Variants in CDC42SE2 observed in about 807,000 individuals in gnomAD.
The protein encoded by CDC42SE2 is CDC42 small effector 2.
In CDC42SE2, 3 loss-of-function variants were observed where a neutral mutation model predicts 11.5. The ratio of observed to expected loss-of-function variants is 0.26; its 90% CI spans 0.12 to 0.67. The LOEUF is 0.67. CDC42SE2 is among the 30% of genes least tolerant of loss of function. The pLI is 0.80. For synonymous variants in CDC42SE2, 33 were observed against 34.8 expected (o/e 0.95, Z 0.18); for missense variants, 82 against 106.8 (o/e 0.77, Z 1.02).
chr5:131,247,384 C>T (rs1396095740), intron 1 of CDC42SE2, among the ~76,000 whole-genome samples: 2 of 151,960 alleles, frequency 1.3e-5, no homozygotes, highest in Non-Finnish European at 2.9e-5. Flanking sequence ...TTTGGGAGGC[C>T]GAGGCGAGTG....
intron 1 of CDC42SE2, among the ~76,000 whole-genome samples, chr5:131,287,389 T>C (rs975031365): frequency 6.6e-6 from 1 of 152,228 alleles, no homozygotes; most frequent in African/African-American, 2.4e-5. Context: ...ATCTGAACCA[T>C]TGATGTTCTA....
intron 1 of CDC42SE2, among the ~76,000 whole-genome samples, chr5:131,247,639 A>G (rs1028277632): frequency 3.3e-5 from 5 of 152,186 alleles, no homozygotes; most frequent in Non-Finnish European, 7.4e-5. Context: ...AATGTAAAAC[A>G]ATTATTTATT....
At chr5:131,256,697 A>T (rs547944774) in intron 2 of CDC42SE2, among the ~76,000 whole-genome samples, 82 of 152,312 alleles carry the variant, frequency 5.4e-4, no homozygotes, top group African/African-American at 1.9e-3. Flanking sequence ...GCCAAGGGCC[A>T]CTTTCTGCTC....
At chr5:131,342,925 C>A (rs961851795) in intron 2 of CDC42SE2, among the ~76,000 whole-genome samples, 26 of 152,074 alleles carry the variant, frequency 1.7e-4, no homozygotes, top group African/African-American at 6.3e-4. Context: ...GTTGGCCAGG[C>A]TGGTCTTAAA....
At chr5:131,355,134 C>A (rs754900673) in intron 2 of CDC42SE2, among the ~76,000 whole-genome samples, 1 of 152,128 alleles carries the variant, frequency 6.6e-6, no homozygotes, top group Non-Finnish European at 1.5e-5. Flanking sequence ...CTTCTGGTCC[C>A]AAGCATTTAG....
chr5:131,270,370 G>A (rs796487779), intron 1 of CDC42SE2, among the ~76,000 whole-genome samples: 10 of 152,172 alleles, frequency 6.6e-5, no homozygotes, highest in South Asian at 2.1e-4. Context: ...GTGAGACTCC[G>A]TCTCAAAGAA....
At chr5:131,238,177 A>G in the CDC42SE2 span, among the ~76,000 whole-genome samples, 1 of 151,850 alleles carries the variant, frequency 6.6e-6, no homozygotes, top group Non-Finnish European at 1.5e-5. Flanking sequence ...ACTAGGACGA[A>G]TACCTAATGC....
chr5:131,214,874 G>A, the CDC42SE2 span, among the ~76,000 whole-genome samples: 1 of 152,218 alleles, frequency 6.6e-6, no homozygotes, highest in Non-Finnish European at 1.5e-5. Context: ...TCAGGAGCTA[G>A]GGAAATAAAT....
intron 2 of CDC42SE2, among the ~76,000 whole-genome samples, chr5:131,343,732 G>T (rs1346640320): frequency 6.6e-6 from 1 of 151,444 alleles, no homozygotes; most frequent in Non-Finnish European, 1.5e-5. Context: ...AAAAAAGAGA[G>T]AGAGAGATGG....
chr5:131,282,909 G>C (rs977279210), intron 1 of CDC42SE2, among the ~76,000 whole-genome samples: 2 of 147,282 alleles, frequency 1.4e-5, no homozygotes, highest in African/African-American at 5.1e-5. Context: ...GATTACAAGT[G>C]TGAGCCACTG....
the CDC42SE2 span, among the ~76,000 whole-genome samples, chr5:131,225,137 G>C: frequency 6.6e-6 from 1 of 152,152 alleles, no homozygotes; most frequent in Non-Finnish European, 1.5e-5. Context: ...AGAGCCAGGG[G>C]AAGCCCAGAG....
chr5:131,349,284 A>G (rs1346250718), intron 2 of CDC42SE2, among the ~76,000 whole-genome samples: 1 of 144,126 alleles, frequency 6.9e-6, no homozygotes, highest in African/African-American at 2.6e-5. Flanking sequence ...CATAGGTGGG[A>G]ATTGAACAAT....
At chr5:131,367,144 T>C (rs558783879) in intron 3 of CDC42SE2, among the ~76,000 whole-genome samples, 1 of 151,820 alleles carries the variant, frequency 6.6e-6, no homozygotes, top group East Asian at 1.9e-4. Flanking sequence ...TGTGTGTATA[T>C]ATATATCATG....
intron 4 of CDC42SE2, among the ~76,000 whole-genome samples, chr5:131,386,303 C>T (rs1750484257): frequency 6.6e-6 from 1 of 152,236 alleles, no homozygotes; most frequent in South Asian, 2.1e-4. Flanking sequence ...CGGTGATGCT[C>T]ACTTGCAGCT....
intron 2 of CDC42SE2, among the ~76,000 whole-genome samples, chr5:131,257,994 C>T (rs1356619304): frequency 6.6e-6 from 1 of 152,166 alleles, no homozygotes; most frequent in Non-Finnish European, 1.5e-5. Flanking sequence ...ATCCTCTCCT[C>T]TGCAGCCCTG....
chr5:131,333,793 T>C (rs1758484670), intron 2 of CDC42SE2, among the ~76,000 whole-genome samples: 1 of 152,212 alleles, frequency 6.6e-6, no homozygotes, highest in Admixed American at 6.5e-5. Context: ...AGAATGCTTG[T>C]GATTTTTGCA....
chr5:131,267,896 C>A (rs1016281359), intron 1 of CDC42SE2, among the ~76,000 whole-genome samples: 5 of 151,842 alleles, frequency 3.3e-5, no homozygotes, highest in Non-Finnish European at 7.4e-5. Context: ...TGGTTTTGAT[C>A]TGCTGTATTG....
chr5:131,312,212 G>T (rs1440108173), intron 1 of CDC42SE2, among the ~76,000 whole-genome samples: 1 of 151,628 alleles, frequency 6.6e-6, no homozygotes, highest in Non-Finnish European at 1.5e-5. Flanking sequence ...TGTGTGAGGT[G>T]TCAGTGTGCC....
At chr5:131,269,028 C>T (rs933875369) in intron 1 of CDC42SE2, among the ~76,000 whole-genome samples, 1 of 152,040 alleles carries the variant, frequency 6.6e-6, no homozygotes, top group Non-Finnish European at 1.5e-5. Context: ...GTATTACAAG[C>T]GTGAGCCACC....
Sources: allele counts gnomAD v4.1 joint callset (sites outside exome capture counted in the v4.1 genomes callset), GRCh38; gene constraint gnomAD v4.1.1; transcripts MANE v1.5; gene names NCBI Gene and HGNC (gene_info 2026-07-23, HGNC 2026-07-21).